DPP4: variants seen among roughly 807,000 people sequenced by gnomAD.
DPP4 encodes dipeptidyl peptidase 4, also known as ADCP-2.
In DPP4, 93 loss-of-function variants were observed where a neutral mutation model predicts 122.4. The observed-to-expected ratio is 0.76, with a 90% CI of 0.64 to 0.90. The LOEUF (loss-of-function observed/expected upper bound fraction) is 0.90, where lower values mean the gene tolerates loss of function less well. DPP4 is among the 40% of genes least tolerant of loss of function. The probability of loss-of-function intolerance (pLI) is 0.00; values close to 1 mark genes in which losing one functional copy is unlikely to be tolerated. For missense variants in DPP4, 914 were observed against 907.3 expected (o/e 1.01, Z -0.09); for synonymous variants, 321 against 302.9 (o/e 1.06, Z -0.62).
chr2:162,054,076 C>G (rs979284711), intron 2 of DPP4, among the ~76,000 whole-genome samples: 2 of 152,170 alleles, frequency 1.3e-5, no homozygotes, highest in African/African-American at 4.8e-5. Context: ...AACCCCCACC[C>G]TAGCATGTCT....
chr2:162,068,667 A>G (rs1304862632), intron 2 of DPP4, among the ~76,000 whole-genome samples: 3 of 152,202 alleles, frequency 2.0e-5, no homozygotes, highest in Admixed American at 6.5e-5. Flanking sequence ...AAGGGAAAGT[A>G]GCTACCATAT....
At chr2:162,071,830 T>G (rs927451688) in intron 2 of DPP4, among the ~76,000 whole-genome samples, 1 of 152,186 alleles carries the variant, frequency 6.6e-6, no homozygotes, top group Non-Finnish European at 1.5e-5. Context: ...CAGAGTTAAC[T>G]GCAGCAAGCC....
intron 12 of DPP4, among the ~76,000 whole-genome samples, chr2:162,022,016 A>G (rs1220015051): frequency 1.3e-5 from 2 of 152,196 alleles, no homozygotes; most frequent in East Asian, 1.9e-4. Context: ...TTTGGGGGTC[A>G]CTTTATTTCC....
intron 2 of DPP4, among the ~76,000 whole-genome samples, chr2:162,053,148 A>C (rs570124227): frequency 3.3e-5 from 5 of 152,370 alleles, no homozygotes; most frequent in Admixed American, 3.3e-4. Context: ...GTAAAGACTA[A>C]AAGGCAAGTT....
At chr2:162,044,548 CA>C (rs1424523371) in intron 5 of DPP4, among the ~76,000 whole-genome samples, 2 of 151,948 alleles carry the variant, frequency 1.3e-5, no homozygotes, top group Admixed American at 6.6e-5. Flanking sequence ...AAAGGAAGAT[CA>C]GGGGTGGGAA....
intron 14 of DPP4, 103 bp from the exon 15 acceptor site, chr2:162,019,379 C>T (rs756077202): frequency 6.8e-6 from 5 of 740,472 alleles, no homozygotes; most frequent in Non-Finnish European, 1.1e-5. Flanking sequence ...ACGGAGCGCG[C>T]GCACGGGTGC....
chr2:162,015,551 C>CT (rs1297445346), intron 18 of DPP4, among the ~76,000 whole-genome samples: 1 of 152,148 alleles, frequency 6.6e-6, no homozygotes, highest in African/African-American at 2.4e-5. Flanking sequence ...TTTAGTCCCA[C>CT]TTTTTTGGAG....
At chr2:162,073,628 G>T in intron 1 of DPP4, 142 bp from the exon 2 acceptor site, 1 of 796,340 alleles carries the variant, frequency 1.3e-6, no homozygotes, top group South Asian at 1.6e-5. Flanking sequence ...GGGGGTGGGG[G>T]TGGCGTCTGG....
At chr2:162,007,840 T>C (rs1701321521) in intron 22 of DPP4, among the ~76,000 whole-genome samples, 2 of 152,286 alleles carry the variant, frequency 1.3e-5, no homozygotes, top group Middle Eastern at 3.4e-3. Context: ...CTCTGGGTAC[T>C]ACCATATTTC....
Position 162,045,550 on chromosome 2 carries a change from T to A in DPP4, c.348A>T (p.Leu116Phe). 4 of 1,610,452 alleles carry A rather than the reference T, an allele frequency of 2.5e-6. No individual in the cohort carries two copies. The highest frequency in any genetic ancestry group is 3.4e-6 in the Non-Finnish European group (4 of 1,176,780). ...ATTTTACCTTCACGTAGTTGTATTCTAAGAGAATAAACTGCCCATCAGGAG... is the reference window on the plus strand; with the variant it reads ...ATTTTACCTTCACGTAGTTGTATTCAAAGAGAATAAACTGCCCATCAGGAG... ...SISPDGQFILLEYNYVKQWRH... is the reference protein window; with the variant it reads ...SISPDGQFILFEYNYVKQWRH... The change falls in exon 5 of 26, where the codon TTA becomes TTT. Residue 116 changes from leucine (L) to phenylalanine (F), a missense_variant. Leu to Phe is a conservative substitution (Grantham distance 22). Transcript: ENST00000360534.
In DPP4 at chr2:162,067,380, C is replaced by T. The variant is rs562030009; in HGVS notation, c.94+6019G>A. Among the ~76,000 whole-genome samples the T allele has an allele frequency of 3.9e-5, 6 of 152,250 alleles. No individual in the cohort carries two copies. In the South Asian group the frequency reaches 1.2e-3, roughly 32 times the overall value. On this transcript the variant is annotated intron_variant, in intron 2 of 25. Transcript: ENST00000360534. Reference sequence around the variant, plus strand: ...GGTGGATGATAAGACCTGCTTGATACTCACCTCTCCTACTCCCTCTACCTC... The same window carrying T: ...GGTGGATGATAAGACCTGCTTGATATTCACCTCTCCTACTCCCTCTACCTC...
At chr2:162,053,956 C>T (rs575206746) in intron 2 of DPP4, among the ~76,000 whole-genome samples, 4 of 151,990 alleles carry the variant, frequency 2.6e-5, no homozygotes, top group South Asian at 2.1e-4. Flanking sequence ...CAATGTCAGC[C>T]GGGAGAGTCA....
intron 2 of DPP4, among the ~76,000 whole-genome samples, chr2:162,051,156 T>A (rs1684369124): frequency 6.6e-6 from 1 of 152,204 alleles, no homozygotes; most frequent in South Asian, 2.1e-4. Context: ...TTTTATTAGT[T>A]AAAAAAGGTA....
intron 19 of DPP4, among the ~76,000 whole-genome samples, chr2:162,013,739 G>A (rs1655400034): frequency 6.6e-6 from 1 of 152,120 alleles, no homozygotes; most frequent in Admixed American, 6.5e-5. Context: ...AGGACAGGAA[G>A]AGCCTGACAT....
intron 2 of DPP4, among the ~76,000 whole-genome samples, chr2:162,059,349 C>G (rs552089302): frequency 4.6e-5 from 7 of 152,268 alleles, no homozygotes; most frequent in African/African-American, 1.4e-4. Flanking sequence ...ACGTACAGGG[C>G]TTCTATGCCC....
chr2:162,034,961 G>A (rs1423875784), intron 9 of DPP4, among the ~76,000 whole-genome samples: 1 of 151,612 alleles, frequency 6.6e-6, no homozygotes, highest in African/African-American at 2.4e-5. Context: ...AGTTTTTGGA[G>A]AAATTACAAA....
chr2:161,999,740 C>A (rs1701097224), intron 23 of DPP4, among the ~76,000 whole-genome samples: 1 of 152,142 alleles, frequency 6.6e-6, no homozygotes, highest in Non-Finnish European at 1.5e-5. Flanking sequence ...CTATGAGAAA[C>A]AGAAGGTATA....
At chr2:161,995,881 G>C (rs1171162570) in intron 23 of DPP4, among the ~76,000 whole-genome samples, 3 of 152,194 alleles carry the variant, frequency 2.0e-5, no homozygotes, top group African/African-American at 4.8e-5. Flanking sequence ...GCTGAGCTCT[G>C]AATGAAAAGC....
At position 161,994,963 on chromosome 2, in the gene DPP4, T is replaced by C. The variant is rs764704916; in HGVS notation, c.2197A>G (p.Met733Val). 2.5e-6 allele frequency: 4 copies of C among 1,613,984 alleles called. No individual in the cohort carries two copies. In the East Asian group the frequency reaches 8.9e-5, roughly 36 times the overall value. The part of the protein sequence containing the change: ...LVDVGVDFQA[M>V]WYTDEDHGIA... ...CCTTGCACAAAGTTTTTCTATACCA[T>C]TGCCTGGAAATCCACTCCAACATCG... The change falls in exon 25 of 26, where the codon ATG becomes GTG. Residue 733 changes from methionine to valine, a missense_variant and splice_region_variant. By Grantham distance (21) the Met-to-Val change is conservative. Coordinates refer to ENST00000360534, the MANE Select transcript of DPP4 (RefSeq NM_001935.4).
Sources: allele counts gnomAD v4.1 joint callset (sites outside exome capture counted in the v4.1 genomes callset), GRCh38; gene constraint gnomAD v4.1.1; transcripts MANE v1.5; gene names NCBI Gene and HGNC (gene_info 2026-07-23, HGNC 2026-07-21).